USP34: variants seen among roughly 807,000 people sequenced by gnomAD.
The protein encoded by USP34 is ubiquitin specific peptidase 34.
In USP34, 70 loss-of-function variants were observed where a neutral mutation model predicts 460.3. That is an observed-to-expected ratio of 0.15 (90% CI 0.13 to 0.19). The LOEUF (loss-of-function observed/expected upper bound fraction) is 0.19. Among genes scored for constraint, USP34 ranks in the 10% least tolerant of loss-of-function variants. USP34 has a pLI of 1.00. For missense variants in USP34, 3,985 were observed against 4,236.2 expected, an observed-to-expected ratio of 0.94 and a Z score of 1.65; for synonymous variants, 1,647 against 1,405.3, an observed-to-expected ratio of 1.17 and a Z score of -3.85.
At chr2:61,215,816 T>C (rs1471449072) in intron 67 of USP34, among the ~76,000 whole-genome samples, 2 of 152,164 alleles carry the variant, frequency 1.3e-5, no homozygotes, top group Admixed American at 6.5e-5. Context: ...GTGGCAGGCA[T>C]TGCATTTATT....
chr2:61,294,926 T>A (rs745336513), intron 32 of USP34, 23 bp downstream of exon 32: 1 of 1,585,118 alleles, frequency 6.3e-7, no homozygotes, highest in Non-Finnish European at 8.6e-7. Flanking sequence ...TATCAATACA[T>A]TGAAAAACAC....
At chr2:61,367,082 A>G (rs1398245407) in intron 10 of USP34, among the ~76,000 whole-genome samples, 1 of 152,266 alleles carries the variant, frequency 6.6e-6, no homozygotes, top group Non-Finnish European at 1.5e-5. Context: ...AAAATCCAGT[A>G]CAGACAAGAG....
chr2:61,217,331 T>A (rs1687432397), intron 67 of USP34, among the ~76,000 whole-genome samples: 1 of 152,222 alleles, frequency 6.6e-6, no homozygotes, highest in South Asian at 2.1e-4. Flanking sequence ...TCTAAGACAC[T>A]AATGTCTCAA....
intron 1 of USP34, among the ~76,000 whole-genome samples, chr2:61,429,130 A>C (rs1408593468): frequency 6.6e-6 from 1 of 151,844 alleles, no homozygotes; most frequent in Non-Finnish European, 1.5e-5. Flanking sequence ...ACAAGACACT[A>C]TCTCTACTAA....
chr2:61,436,412 C>T (rs1694813466), intron 1 of USP34, among the ~76,000 whole-genome samples: 1 of 152,112 alleles, frequency 6.6e-6, no homozygotes, highest in Admixed American at 6.6e-5. Flanking sequence ...GGTAGCTTTA[C>T]ATATATCAGA....
chr2:61,188,780 A>T, intron 79 of USP34, 71 bp from the exon 80 acceptor site: 1 of 1,569,528 alleles, frequency 6.4e-7, no homozygotes, highest in Non-Finnish European at 8.6e-7. Context: ...GGGATGTGGG[A>T]AGTTAATTTT....
At chr2:61,259,687 A>C (rs1247760780) in intron 44 of USP34, 24 bp downstream of exon 44, 1 of 1,608,274 alleles carries the variant, frequency 6.2e-7, no homozygotes, top group Admixed American at 1.7e-5. Flanking sequence ...TGCCTGGCCT[A>C]GCCTCCATGA....
At chr2:61,416,468 G>C (rs1694197222) in intron 2 of USP34, among the ~76,000 whole-genome samples, 1 of 152,066 alleles carries the variant, frequency 6.6e-6, no homozygotes, top group Non-Finnish European at 1.5e-5. Flanking sequence ...TTGATAGGTA[G>C]GAGACAGCAA....
At chr2:61,355,754 C>T (rs1217793756) in intron 10 of USP34, among the ~76,000 whole-genome samples, 1 of 151,920 alleles carries the variant, frequency 6.6e-6, no homozygotes, top group African/African-American at 2.4e-5. Flanking sequence ...CAAGTTTGTC[C>T]CTCTTTATGA....
intron 1 of USP34, among the ~76,000 whole-genome samples, chr2:61,454,941 G>C (rs945476727): frequency 1.4e-5 from 2 of 147,762 alleles, no homozygotes; most frequent in African/African-American, 5.0e-5. Flanking sequence ...GAGTGCAGTG[G>C]TGCCATCTTG....
intron 65 of USP34, chr2:61,221,921 T>C: frequency 5.1e-6 from 1 of 197,466 alleles, no homozygotes; most frequent in Non-Finnish European, 1.0e-5. Flanking sequence ...GAAATATGTA[T>C]ACATTGTAGA....
In USP34 at chr2:61,211,382, G is replaced by T. The variant is rs369590038; in HGVS notation, c.8840+390C>A. Among the ~76,000 whole-genome samples, 73 of 152,210 alleles carry T rather than the reference G, an allele frequency of 4.8e-4. 1 individual carries two copies. In the South Asian group the frequency reaches 0.014, roughly 29 times the overall value. On this transcript the variant is annotated intron_variant, in intron 69 of 79. Coordinates refer to ENST00000398571, the MANE Select transcript of USP34 (RefSeq NM_014709.4). Reference sequence around the variant, plus strand: ...TTTATAATTTTGGCCAAGTCATATAGATCAGAAAGCCAGATAGATATATTT... The same window carrying T: ...TTTATAATTTTGGCCAAGTCATATATATCAGAAAGCCAGATAGATATATTT...
chr2:61,252,614 T>G (rs531865285), intron 48 of USP34, among the ~76,000 whole-genome samples: 4 of 152,336 alleles, frequency 2.6e-5, no homozygotes, highest in Admixed American at 2.6e-4. Context: ...AGTATGAATT[T>G]AGGGAAACAA....
chr2:61,190,882 G>A (rs1686619960), intron 76 of USP34: 1 of 428,120 alleles, frequency 2.3e-6, no homozygotes, highest in African/African-American at 2.0e-5. Context: ...GGAGTGCTGG[G>A]GGAAGACACT....
At chr2:61,202,640 T>C (rs1687009521) in intron 75 of USP34, among the ~76,000 whole-genome samples, 1 of 152,142 alleles carries the variant, frequency 6.6e-6, no homozygotes. Context: ...CAAGTTTCTC[T>C]TCTTCTCACT....
chr2:61,430,732 A>G (rs529660642), intron 1 of USP34, among the ~76,000 whole-genome samples: 1 of 152,214 alleles, frequency 6.6e-6, no homozygotes, highest in Non-Finnish European at 1.5e-5. Context: ...CTGAGAATAT[A>G]AGGGAAATTG....
intron 51 of USP34, among the ~76,000 whole-genome samples, chr2:61,243,823 T>C (rs1688345230): frequency 6.7e-6 from 1 of 149,554 alleles, no homozygotes; most frequent in Non-Finnish European, 1.5e-5. Context: ...TGAGCCAAGA[T>C]CACGCCACTG....
chr2:61,410,219 G>C (rs1693998530), intron 2 of USP34, among the ~76,000 whole-genome samples: 1 of 152,180 alleles, frequency 6.6e-6, no homozygotes, highest in African/African-American at 2.4e-5. Context: ...GGAGCCCTGA[G>C]CTTGTTTTCC....
chr2:61,433,611 G>C (rs1325881339), intron 1 of USP34, among the ~76,000 whole-genome samples: 1 of 152,094 alleles, frequency 6.6e-6, no homozygotes, highest in Non-Finnish European at 1.5e-5. Context: ...TCCAGCCTGG[G>C]CAACAGAGTA....
Sources: allele counts gnomAD v4.1 joint callset (sites outside exome capture counted in the v4.1 genomes callset), GRCh38; gene constraint gnomAD v4.1.1; transcripts MANE v1.5; gene names NCBI Gene and HGNC (gene_info 2026-07-23, HGNC 2026-07-21).